Variants in PDRG1 observed in about 807,000 individuals in gnomAD.
PDRG1 encodes p53 and DNA damage regulated 1.
Under a neutral mutation model 18.4 loss-of-function variants are expected in PDRG1, and 14 were observed. The ratio of observed to expected loss-of-function variants is 0.76; its 90% confidence interval spans 0.50 to 1.19. The LOEUF is 1.19. Among genes scored for constraint, PDRG1 ranks in the 50% most tolerant of loss-of-function variants. The pLI is 0.00. For synonymous variants in PDRG1, 65 were observed against 60.9 expected (o/e 1.07, Z -0.31); for missense variants, 177 against 160.1 (o/e 1.11, Z -0.57).
chr20:31,946,423 C>T, intron 4 of PDRG1, 73 bp downstream of exon 4: 2 of 1,394,484 alleles, frequency 1.4e-6, no homozygotes, highest in South Asian at 1.2e-5. Flanking sequence ...GTCGGACTTC[C>T]CATCCCTGCC....
intron 1 of PDRG1, among the ~76,000 whole-genome samples, chr20:31,951,225 T>A (rs2064349905): frequency 1.3e-5 from 2 of 152,038 alleles, no homozygotes; most frequent in Non-Finnish European, 2.9e-5. Context: ...GCCTACTGAG[T>A]CTGTCTCCAA....
At chr20:31,951,171 T>A (rs561370016) in intron 1 of PDRG1, among the ~76,000 whole-genome samples, 75 of 152,240 alleles carry the variant, frequency 4.9e-4, no homozygotes, top group African/African-American at 1.8e-3. Context: ...CCCTTCTAAC[T>A]GGAGATGAGA....
At position 31,946,551 on chromosome 20, in the gene PDRG1, T is replaced by C. The variant is rs745401995; in HGVS notation, c.264A>G (p.Ile88Met). The change falls in exon 4 of 5, where the codon ATA becomes ATG. Residue 88 changes from isoleucine (I) to methionine (M), a missense_variant. By Grantham distance (10) the Ile-to-Met change is conservative (BLOSUM62 1). Transcript: ENST00000202017. Reference sequence around the variant, plus strand: ...CTTTAAGTTGCTTCCGCAGTTTTTCTATTTCTTTATCCAGATGATCTTGAT... The same window carrying C: ...CTTTAAGTTGCTTCCGCAGTTTTTCCATTTCTTTATCCAGATGATCTTGAT... ...EKDQDHLDKE[I>M]EKLRKQLKVK... The C allele has an allele frequency of 6.2e-7, 1 of 1,613,324 alleles. No individual in the cohort carries two copies. Among genetic ancestry groups the C allele is most frequent in the African/African-American group, 1.3e-5 (1 of 75,026 alleles).
chr20:31,951,591 C>G (rs1568864644), intron 1 of PDRG1, among the ~76,000 whole-genome samples: 1 of 148,484 alleles, frequency 6.7e-6, no homozygotes, highest in Non-Finnish European at 1.5e-5. Context: ...GCCCCTAGAT[C>G]AACCATGGGG....
Position 31,951,947 on chromosome 20 carries a change from C to A in PDRG1, c.15G>T (p.Glu5Asp). The A allele has an allele frequency of 1.3e-6, 2 of 1,577,492 alleles. No individual in the cohort carries two copies. Among genetic ancestry groups the A allele is most frequent in the East Asian group, 2.4e-5 (1 of 41,498 alleles). MLSP[E>D]AERVLRYLVE... ...CAAGGTACCGCAGCACTCGCTCTGC[C>A]TCGGGTGATAGCATAGCGCCCACCA... Residue 5 changes from glutamate (E) to aspartate (D), a missense_variant, in exon 1 of 5, where the codon GAG (glutamate) becomes GAT (aspartate). Physicochemically the swap from Glu to Asp is conservative, Grantham distance 45 (BLOSUM62 2). Transcript: ENST00000202017.
chr20:31,946,845 G>A (rs575715355), intron 3 of PDRG1, among the ~76,000 whole-genome samples: 3 of 152,334 alleles, frequency 2.0e-5, no homozygotes, highest in East Asian at 1.9e-4. Context: ...TCAGTGGATG[G>A]AGAAGGCAAC....
intron 1 of PDRG1, 51 bp from the exon 2 acceptor site, chr20:31,950,438 G>A: frequency 5.0e-6 from 7 of 1,394,694 alleles, no homozygotes; most frequent in Non-Finnish European, 7.1e-6. Context: ...GCCCCAAGCT[G>A]TCACCTCTTG....
chr20:31,945,675 T>G lies in PDRG1; in HGVS notation c.*132A>C. On this transcript the variant is annotated 3_prime_UTR_variant, in exon 5 of 5. Coordinates refer to ENST00000202017, the MANE Select transcript of PDRG1 (RefSeq NM_030815.3). ...AGAGTAGCCAAGCACTACAAAGAGG[T>G]TTTCATGGCCAGATTCCTGACGGCT... 1.1e-5 allele frequency: 7 copies of G among 655,252 alleles called. No homozygotes were observed. Among genetic ancestry groups the G allele is most frequent in the South Asian group, 2.2e-5 (1 of 46,258 alleles). The allele number at this position is 655,252 out of a possible 1,614,324, so 40.6% of individuals were successfully genotyped here.
chr20:31,948,692 C>G (rs956549983), intron 3 of PDRG1, 116 bp downstream of exon 3: 1 of 924,556 alleles, frequency 1.1e-6, no homozygotes, highest in Non-Finnish European at 1.7e-6. Flanking sequence ...CAGTCTGAAC[C>G]CTGTGACAGA....
In PDRG1 at chr20:31,951,524, GC is replaced by G. The variant is rs1015230809; in HGVS notation, c.87+350del. ...GTCCCCACCCCTGCCCGGTCACAAGGCCCCCTCAGGCTTCTTTTCGGTTCCA... is the reference window on the plus strand; with the variant it reads ...GTCCCCACCCCTGCCCGGTCACAAGGCCCCTCAGGCTTCTTTTCGGTTCCA... On this transcript the variant is annotated intron_variant, in intron 1 of 4. Transcript: ENST00000202017. 1.1e-3 allele frequency among the ~76,000 whole-genome samples: 163 copies of G among 152,164 alleles called. 1 individual carries two copies. Among genetic ancestry groups the G allele is most frequent in the Non-Finnish European group, 1.5e-5 (1 of 67,992 alleles).
chr20:31,948,801 GCCTTA>G lies in PDRG1; in HGVS notation c.238+2_238+6del, dbSNP rs1196792088. On this transcript the variant is annotated splice_donor_variant and splice_donor_5th_base_variant and intron_variant, in intron 3 of 4. Transcript: ENST00000202017. LOFTEE classifies it high-confidence loss of function. ...CACACCCCTGACCCATCCCCAGGAG[GCCTTA>G]CCTTTTTCAATCATTTCCTTTGTCT... 2 of 1,612,806 alleles carry G rather than the reference GCCTTA, an allele frequency of 1.2e-6. No individual in the cohort carries two copies. The highest frequency in any genetic ancestry group is 2.7e-5 in the African/African-American group (2 of 74,874).
chr20:31,950,274 C>T, intron 2 of PDRG1, 38 bp downstream of exon 2: 1 of 1,481,856 alleles, frequency 6.7e-7, no homozygotes, highest in South Asian at 1.1e-5. Context: ...GAAAACGGAA[C>T]AGGCCTCCAG....
chr20:31,952,040 T>G lies in PDRG1; in HGVS notation c.-79A>C. ...GACTCCCGCTGCGCACGCGCCGCTC[T>G]CTAGGTGCTTCCGGCGCGCCTGCGC... On this transcript the variant is annotated 5_prime_UTR_variant, in exon 1 of 5. Transcript: ENST00000202017. The G allele has an allele frequency of 1.4e-6, 2 of 1,460,732 alleles. No individual in the cohort carries two copies. Among genetic ancestry groups the G allele is most frequent in the East Asian group, 2.7e-5 (1 of 36,528 alleles). The allele number at this position is 1,460,732 out of a possible 1,614,324, so 90.5% of individuals were successfully genotyped here.
rs553444690 is a variant in PDRG1 at position 31,947,044 on chromosome 20, ACAAT to A, written c.239-472_239-469del. 1.2e-4 allele frequency among the ~76,000 whole-genome samples: 19 copies of A among 152,390 alleles called. No homozygotes were observed. The East Asian group carries it at 3.5e-3, about 28-fold the overall frequency. ...ATGATTGTGTAAACATGTGACGTAA[ACAAT>A]CAACACGCAAGCAATGCTCAAGCTT... On this transcript the variant is annotated intron_variant, in intron 3 of 4. Coordinates refer to ENST00000202017, the MANE Select transcript of PDRG1 (RefSeq NM_030815.3).
chr20:31,948,675 C>G, intron 3 of PDRG1, 133 bp downstream of exon 3: 1 of 771,662 alleles, frequency 1.3e-6, no homozygotes, highest in Non-Finnish European at 2.1e-6. Context: ...GGAATTAAAA[C>G]CCACAGCAGT....
In PDRG1 at chr20:31,945,885, T is replaced by G; in HGVS notation, c.324A>C (p.Lys108Asn). The G allele has an allele frequency of 6.2e-7, 1 of 1,613,270 alleles. No homozygotes were observed. Among genetic ancestry groups the G allele is most frequent in the Non-Finnish European group, 8.5e-7 (1 of 1,179,760 alleles). The change falls in exon 5 of 5, where the codon AAA becomes AAC. Residue 108 changes from lysine (K) to asparagine (N), a missense_variant. Physicochemically the swap from Lys to Asn is moderately conservative, Grantham distance 94 (BLOSUM62 0). Transcript: ENST00000202017. ...TCAAGTTAAAACCCTTCAGCTCCGG[T>G]TTGCCTAGGAGAGAAGATGATCCAT... Reference protein sequence around the residue: ...KVNRLFEAQGKPELKGFNLNP... With the variant: ...KVNRLFEAQGNPELKGFNLNP...
chr20:31,950,136 AGTCTGT>A (rs781384354), intron 2 of PDRG1, among the ~76,000 whole-genome samples, 170 bp downstream of exon 2: 12 of 152,326 alleles, frequency 7.9e-5, no homozygotes, highest in Non-Finnish European at 1.8e-4. Context: ...CCTGAACCAC[AGTCTGT>A]GCCAGAACTG....
chr20:31,946,605 A>G lies in PDRG1; in HGVS notation c.239-29T>C, dbSNP rs190549482. 9 of 1,566,098 alleles carry G rather than the reference A, an allele frequency of 5.7e-6. No homozygotes were observed. The Admixed American group carries it at 1.0e-4, about 17-fold the overall frequency. On this transcript the variant is annotated intron_variant, in intron 3 of 4. Coordinates refer to ENST00000202017, the MANE Select transcript of PDRG1 (RefSeq NM_030815.3). Reference sequence around the variant, plus strand: ...AAAAAATGAGGGGGGCAAGCAGAGGATAAGATTGTACCAGACAGACTTGAT... The same window carrying G: ...AAAAAATGAGGGGGGCAAGCAGAGGGTAAGATTGTACCAGACAGACTTGAT...
intron 4 of PDRG1, 58 bp downstream of exon 4, chr20:31,946,438 A>C (rs1332353629): frequency 2.0e-6 from 3 of 1,482,620 alleles, no homozygotes; most frequent in Admixed American, 3.3e-5. Context: ...CCTGCCCTTC[A>C]AAGTCCATGC....
Sources: gnomAD v4.1 joint callset for allele counts (sites outside exome capture counted in the v4.1 genomes callset) on GRCh38, gnomAD v4.1.1 for gene constraint, MANE v1.5 for transcripts, NCBI Gene and HGNC (gene_info 2026-07-23, HGNC 2026-07-21) for gene names.